Variants in CLEC16A observed in about 807,000 individuals in gnomAD.
CLEC16A encodes the protein protein CLEC16A.
A neutral mutation model predicts 109.5 loss-of-function variants in CLEC16A; 51 were observed. The ratio of observed to expected loss-of-function variants is 0.47; its 90% confidence interval spans 0.37 to 0.59. The LOEUF (loss-of-function observed/expected upper bound fraction) is 0.59, where lower values mean the gene tolerates loss of function less well. Among genes scored for constraint, CLEC16A ranks in the 20% least tolerant of loss-of-function variants. The pLI is 0.00. For synonymous variants in CLEC16A, 673 were observed against 564.2 expected (o/e 1.19, Z -2.73); for missense variants, 1,339 against 1,394.0 (o/e 0.96, Z 0.63).
chr16:10,949,709 G>A (rs1388629047), intron 1 of CLEC16A, among the ~76,000 whole-genome samples: 1 of 152,188 alleles, frequency 6.6e-6, no homozygotes, highest in Non-Finnish European at 1.5e-5. Flanking sequence ...ACTACAGAAA[G>A]GCTGTGGTCT....
At chr16:11,130,567 G>T (rs2053136657) in intron 22 of CLEC16A, among the ~76,000 whole-genome samples, 2 of 152,226 alleles carry the variant, frequency 1.3e-5, no homozygotes, top group Non-Finnish European at 1.5e-5. Context: ...ACAGAGTAGT[G>T]ACACGGGGAG....
At chr16:11,135,249 GTTTGCCAAGCCTC>G (rs1172769890) in intron 22 of CLEC16A, among the ~76,000 whole-genome samples, 1 of 152,218 alleles carries the variant, frequency 6.6e-6, no homozygotes, top group African/African-American at 2.4e-5. Context: ...GGGGTCTCCT[GTTTGCCAAGCCTC>G]TTTTCAGGGC....
rs1253898459 is a variant in CLEC16A at position 11,179,174 on chromosome 16, C to T, written c.*484C>T. ...AGCAGGTGAACATTTATTTTTAAAA[C>T]TTCTATTTAAAAGAAGTCCAAAAAC... On this transcript the variant is annotated 3_prime_UTR_variant, in exon 24 of 24. Coordinates refer to ENST00000409790, the MANE Select transcript of CLEC16A (RefSeq NM_015226.3). 2 of 154,968 alleles carry T rather than the reference C, an allele frequency of 1.3e-5. No individual in the cohort carries two copies. Among genetic ancestry groups the T allele is most frequent in the African/African-American group, 2.4e-5 (1 of 41,552 alleles). 9.6% of individuals were successfully genotyped at this position (154,968 alleles called of 1,614,324 possible). A position where few individuals can be genotyped will look rare whatever the true frequency, so the allele number is the denominator to read the frequency against.
intron 22 of CLEC16A, among the ~76,000 whole-genome samples, chr16:11,140,522 G>T (rs1409534513): frequency 1.3e-5 from 2 of 152,184 alleles, no homozygotes; most frequent in Non-Finnish European, 2.9e-5. Context: ...TGCTTGGCCT[G>T]GTGGAGGCCA....
At chr16:11,040,165 C>A in intron 14 of CLEC16A, 2 of 379,330 alleles carry the variant, frequency 5.3e-6, no homozygotes, top group East Asian at 4.7e-5. Context: ...TGTTTTCGCC[C>A]CCACCCCGCT....
Position 10,957,852 on chromosome 16 carries a change from A to G in CLEC16A, c.151A>G (p.Ile51Val). 1 of 1,613,800 alleles carries G rather than the reference A, an allele frequency of 6.2e-7. No individual in the cohort carries two copies. Among genetic ancestry groups the G allele is most frequent in the Non-Finnish European group, 8.5e-7 (1 of 1,179,708 alleles). The change falls in exon 2 of 24, where the codon ATC (isoleucine) becomes GTC (valine). Residue 51 changes from isoleucine to valine, a missense_variant. Ile to Val is a conservative substitution (Grantham distance 29, BLOSUM62 3). Around this residue, in one of 3 missense-constraint regions of CLEC16A, gnomAD observed 117 missense variants for 120.2 expected, o/e 0.97. Coordinates refer to ENST00000409790, the MANE Select transcript of CLEC16A (RefSeq NM_015226.3). Reference protein sequence around the residue: ...EQNRNLLVETIRSITEILIWG... With the variant: ...EQNRNLLVETVRSITEILIWG... ...GAACCGGAACCTGCTAGTGGAGACC[A>G]TCCGTTCCATCACTGAGATCCTGAT... is the stretch of plus-strand genomic sequence containing the variant.
intron 11 of CLEC16A, among the ~76,000 whole-genome samples, chr16:11,018,765 A>AAAAAAAAAGGG (rs2045920708): frequency 6.7e-6 from 1 of 148,498 alleles, no homozygotes. Context: ...AAAAAAAAAA[A>AAAAAAAAAGGG]TGGAGACAAG....
intron 12 of CLEC16A, among the ~76,000 whole-genome samples, chr16:11,023,493 G>C (rs1220808213): frequency 3.3e-5 from 5 of 152,076 alleles, no homozygotes; most frequent in African/African-American, 1.2e-4. Flanking sequence ...TGCCCCATCT[G>C]GGGCTGTGGA....
intron 15 of CLEC16A, 118 bp downstream of exon 15, chr16:11,042,481 A>G: frequency 1.4e-6 from 1 of 715,398 alleles, no homozygotes; most frequent in Non-Finnish European, 2.3e-6. Flanking sequence ...GTCACCAGCT[A>G]GAAGCAGCAG....
At chr16:11,118,994 A>T (rs1193104568) in intron 19 of CLEC16A, among the ~76,000 whole-genome samples, 1 of 151,948 alleles carries the variant, frequency 6.6e-6, no homozygotes, top group Non-Finnish European at 1.5e-5. Flanking sequence ...CTGTTGGTCC[A>T]TGTGTTTTTC....
chr16:10,997,329 A>G (rs1178655217), intron 10 of CLEC16A, among the ~76,000 whole-genome samples: 1 of 152,166 alleles, frequency 6.6e-6, no homozygotes, highest in Non-Finnish European at 1.5e-5. Flanking sequence ...GTAATCTTAG[A>G]TGTACTGCTT....
chr16:10,968,972 TC>T (rs756917061), intron 3 of CLEC16A, among the ~76,000 whole-genome samples, 188 bp from the exon 4 acceptor site: 8 of 152,132 alleles, frequency 5.3e-5, no homozygotes, highest in Non-Finnish European at 8.8e-5. Flanking sequence ...CCTTTGAACT[TC>T]CTGGTGACTG....
chr16:11,060,696 T>G (rs750142240), intron 18 of CLEC16A, among the ~76,000 whole-genome samples: 1 of 151,156 alleles, frequency 6.6e-6, no homozygotes, highest in Non-Finnish European at 1.5e-5. Flanking sequence ...TGTGAATAAC[T>G]GAAAACAGGC....
At chr16:11,040,904 G>C (rs1233403332) in intron 14 of CLEC16A, 1 of 152,210 alleles carries the variant, frequency 6.6e-6, no homozygotes, top group Non-Finnish European at 1.5e-5. Context: ...GAGGTGGGCA[G>C]AGGGGTGTAT....
chr16:11,010,058 T>A (rs2045306881), intron 11 of CLEC16A, among the ~76,000 whole-genome samples: 1 of 151,962 alleles, frequency 6.6e-6, no homozygotes, highest in South Asian at 2.1e-4. Context: ...GAGGCTGAGG[T>A]GGAAGGATCC....
At chr16:11,110,834 T>C (rs1037829217) in intron 19 of CLEC16A, among the ~76,000 whole-genome samples, 4 of 152,358 alleles carry the variant, frequency 2.6e-5, no homozygotes, top group Admixed American at 6.5e-5. Flanking sequence ...GTTTAATAAC[T>C]GGCAGAGCTG....
At position 10,996,625 on chromosome 16, in the gene CLEC16A, C is replaced by T. The variant is rs569885341; in HGVS notation, c.1072-6449C>T. Among the ~76,000 whole-genome samples, 5 of 152,302 alleles carry T rather than the reference C, an allele frequency of 3.3e-5. No homozygotes were observed. The East Asian group carries it at 9.7e-4, about 29-fold the overall frequency. On this transcript the variant is annotated intron_variant, in intron 10 of 23. Coordinates refer to ENST00000409790, the MANE Select transcript of CLEC16A (RefSeq NM_015226.3). ...ATGCCTCCCAGCCCTGGCGCATTTT[C>T]CCTCCCTTCCTCTGCGGCCCCATCA...
In CLEC16A at chr16:11,020,240, G is replaced by C; in HGVS notation, c.1351G>C (p.Ala451Pro). The change falls in exon 12 of 24, where the codon GCC (alanine) becomes CCC (proline). Residue 451 changes from alanine (A) to proline (P), a missense_variant. Ala to Pro is a conservative substitution (Grantham distance 27). Coordinates refer to ENST00000409790, the MANE Select transcript of CLEC16A (RefSeq NM_015226.3). ...GCGTAGCAAGCTCTCAGAGCTGGCC[G>C]CCAGCACCTCCGTGCAGGAGCAGAA... ...MERSKLSELA[A>P]STSVQEQNTT... The C allele has an allele frequency of 6.2e-7, 1 of 1,613,558 alleles. No individual in the cohort carries two copies. Among genetic ancestry groups the C allele is most frequent in the Non-Finnish European group, 8.5e-7 (1 of 1,179,654 alleles).
chr16:11,135,940 A>G (rs1257092663), intron 22 of CLEC16A: 1 of 152,336 alleles, frequency 6.6e-6, no homozygotes, highest in Non-Finnish European at 1.5e-5. Context: ...CATAACAGAA[A>G]AGACTGGAAG....
Sources: allele counts gnomAD v4.1 joint callset (sites outside exome capture counted in the v4.1 genomes callset), GRCh38; gene constraint gnomAD v4.1.1; regional missense constraint gnomAD v4.1.1; transcripts MANE v1.5; gene names NCBI Gene and HGNC (gene_info 2026-07-23, HGNC 2026-07-21).